The following SPIDR variants were observed in gnomAD, a reference collection of about 807,000 sequenced individuals.
The protein encoded by SPIDR is DNA repair-scaffolding protein.
SPIDR carries 93 observed loss-of-function variants against 104.6 expected under a neutral mutation model. The observed-to-expected ratio is 0.89, with a 90% CI of 0.75 to 1.06. The LOEUF is 1.06. SPIDR is among the 50% of genes least tolerant of loss of function. SPIDR has a pLI of 0.00. For synonymous variants in SPIDR, 431 were observed against 416.9 expected (o/e 1.03, Z -0.41); for missense variants, 1,154 against 1,111.2 (o/e 1.04, Z -0.55).
At chr8:47,701,335 G>T (rs2080149226) in intron 12 of SPIDR, among the ~76,000 whole-genome samples, 1 of 152,206 alleles carries the variant, frequency 6.6e-6, no homozygotes, top group Non-Finnish European at 1.5e-5. Flanking sequence ...GGGAGGCTGA[G>T]GCAGGAGAAT....
rs985177363 is a variant in SPIDR, at chr8:47,599,075, G to T, written c.1423G>T (p.Ala475Ser). 1 of 1,612,930 alleles carries T rather than the reference G, an allele frequency of 6.2e-7. No individual in the cohort carries two copies. Among genetic ancestry groups the T allele is most frequent in the African/African-American group, 1.3e-5 (1 of 75,034 alleles). The change falls in exon 10 of 20, where the codon GCC becomes TCC. Residue 475 changes from alanine (A) to serine (S), a missense_variant. Physicochemically the swap from Ala to Ser is moderately conservative, Grantham distance 99 (BLOSUM62 1). Coordinates refer to ENST00000297423, the MANE Select transcript of SPIDR (RefSeq NM_001080394.4). ...LLDVVESQGA[A>S]SWPGAGVRVV... ...GGATGTGGTGGAAAGCCAGGGAGCT[G>T]CCTCGTGGCCAGGAGCTGGAGTCCG...
At chr8:47,523,923 A>G (rs2084584587) in intron 8 of SPIDR, among the ~76,000 whole-genome samples, 1 of 152,176 alleles carries the variant, frequency 6.6e-6, no homozygotes, top group Non-Finnish European at 1.5e-5. Flanking sequence ...GTATGAGGTG[A>G]GGAGATGGCA....
At chr8:47,728,660 C>A in intron 17 of SPIDR, 1 of 323,376 alleles carries the variant, frequency 3.1e-6, no homozygotes, top group Non-Finnish European at 5.7e-6. Context: ...CCTCCCAGGC[C>A]CTGACCTCCC....
At chr8:47,356,644 A>G (rs1554626000) in intron 5 of SPIDR, among the ~76,000 whole-genome samples, 1 of 152,220 alleles carries the variant, frequency 6.6e-6, no homozygotes, top group Non-Finnish European at 1.5e-5. Context: ...TGGGTTGACT[A>G]TGTGGCTATG....
rs1421584694 is a variant in SPIDR at position 47,468,167 on chromosome 8, C to T, written c.1097+27625C>T. Among the ~76,000 whole-genome samples, 5 of 152,084 alleles carry T rather than the reference C, an allele frequency of 3.3e-5. No individual in the cohort carries two copies. The East Asian group carries it at 5.8e-4, about 18-fold the overall frequency. On this transcript the variant is annotated intron_variant, in intron 8 of 19. Transcript: ENST00000297423. The stretch of plus-strand genomic sequence containing the variant: ...TGACCAAGGAGGTGAAAGATCTCTA[C>T]GAGTACTACAAAACACTGCTTAAAG...
At chr8:47,526,184 G>A (rs1328771777) in intron 8 of SPIDR, among the ~76,000 whole-genome samples, 1 of 152,178 alleles carries the variant, frequency 6.6e-6, no homozygotes, top group African/African-American at 2.4e-5. Flanking sequence ...AGTGCATCCA[G>A]TACTGAAATA....
chr8:47,633,202 A>G (rs936215314), intron 10 of SPIDR, among the ~76,000 whole-genome samples: 3 of 152,262 alleles, frequency 2.0e-5, no homozygotes, highest in African/African-American at 7.2e-5. Context: ...CCTGGCTGTC[A>G]TGATAAGTGT....
At chr8:47,513,996 A>G (rs1181530663) in intron 8 of SPIDR, among the ~76,000 whole-genome samples, 1 of 152,210 alleles carries the variant, frequency 6.6e-6, no homozygotes, top group South Asian at 2.1e-4. Context: ...CATGGGTTCT[A>G]TAATGTGAAA....
At chr8:47,324,245 T>C (rs1470364634) in intron 5 of SPIDR, among the ~76,000 whole-genome samples, 1 of 152,212 alleles carries the variant, frequency 6.6e-6, no homozygotes, top group Non-Finnish European at 1.5e-5. Context: ...AAAGTTGTCA[T>C]TTGAACACAA....
rs17684403 is a variant in SPIDR at position 47,293,078 on chromosome 8, T to C, written c.362-789T>C. ...TTAATGTGGGAAGCCGTTGCCATTATGCATCTGCTTCTCTCAGTGGTGGTC... is the reference window on the plus strand; with the variant it reads ...TTAATGTGGGAAGCCGTTGCCATTACGCATCTGCTTCTCTCAGTGGTGGTC... On this transcript the variant is annotated intron_variant, in intron 4 of 19. Transcript: ENST00000297423. Among the ~76,000 whole-genome samples, 889 of 152,250 alleles carry C rather than the reference T, an allele frequency of 5.8e-3. 5 individuals are homozygous for C. Among genetic ancestry groups the C allele is most frequent in the Middle Eastern group, 0.024 (7 of 294 alleles).
chr8:47,487,116 CA>C (rs2154364452), intron 8 of SPIDR, among the ~76,000 whole-genome samples: 1 of 152,278 alleles, frequency 6.6e-6, no homozygotes, highest in South Asian at 2.1e-4. Flanking sequence ...ATCTGATGTG[CA>C]GAGACACACA....
intron 7 of SPIDR, among the ~76,000 whole-genome samples, chr8:47,432,066 T>C: frequency 6.6e-6 from 1 of 152,218 alleles, no homozygotes; most frequent in Non-Finnish European, 1.5e-5. Context: ...AAAATTTTGA[T>C]TTACCAATCA....
intron 6 of SPIDR, among the ~76,000 whole-genome samples, chr8:47,402,565 C>A (rs981428647): frequency 1.3e-5 from 2 of 152,134 alleles, no homozygotes; most frequent in African/African-American, 4.8e-5. Flanking sequence ...TCAGAGAATG[C>A]TATAAACACC....
Position 47,503,524 on chromosome 8 carries a change from G to A in SPIDR, c.1097+62982G>A, listed in dbSNP as rs534000736. Among the ~76,000 whole-genome samples the A allele has an allele frequency of 3.3e-5, 5 of 150,574 alleles. No homozygotes were observed. The South Asian group carries it at 6.7e-4, about 20-fold the overall frequency. On this transcript the variant is annotated intron_variant, in intron 8 of 19. Transcript: ENST00000297423. ...CTCCATCCGTTTATTTTGAGCCTAT[G>A]TGTGTCTCTGCACGTGAGATGGGTT... is the stretch of plus-strand genomic sequence containing the variant.
At chr8:47,373,208 T>C (rs1554640042) in intron 5 of SPIDR, among the ~76,000 whole-genome samples, 1 of 152,170 alleles carries the variant, frequency 6.6e-6, no homozygotes, top group African/African-American at 2.4e-5. Flanking sequence ...AAAGCATAAA[T>C]TTAAAAAAAT....
chr8:47,578,086 G>A (rs2059324333), intron 8 of SPIDR, among the ~76,000 whole-genome samples: 1 of 152,106 alleles, frequency 6.6e-6, no homozygotes, highest in Non-Finnish European at 1.5e-5. Flanking sequence ...TGATACTAAG[G>A]TATTCAGTTT....
At chr8:47,372,501 C>T (rs1484935653) in intron 5 of SPIDR, among the ~76,000 whole-genome samples, 4 of 152,100 alleles carry the variant, frequency 2.6e-5, no homozygotes, top group African/African-American at 9.7e-5. Flanking sequence ...TGGTGCATGC[C>T]TGTAATCCCA....
intron 5 of SPIDR, among the ~76,000 whole-genome samples, chr8:47,387,180 T>C (rs1340112828): frequency 2.6e-5 from 4 of 152,074 alleles, no homozygotes; most frequent in Non-Finnish European, 5.9e-5. Flanking sequence ...GAATATAGTG[T>C]AGAAACCTGA....
chr8:47,337,930 A>T (rs963569400), intron 5 of SPIDR, among the ~76,000 whole-genome samples: 6 of 152,162 alleles, frequency 3.9e-5, no homozygotes, highest in African/African-American at 1.2e-4. Flanking sequence ...ATTCAGTTCC[A>T]TTGGTCTATA....
Sources: gnomAD v4.1 joint callset for allele counts (sites outside exome capture counted in the v4.1 genomes callset) on GRCh38, gnomAD v4.1.1 for gene constraint, MANE v1.5 for transcripts, NCBI Gene and HGNC (gene_info 2026-07-23, HGNC 2026-07-21) for gene names.